Variants in MB21D2 observed in about 807,000 individuals in gnomAD.
MB21D2 encodes nucleotidyltransferase MB21D2.
In MB21D2, 9 loss-of-function variants were observed where a neutral mutation model predicts 33.3. The observed-to-expected ratio is 0.27, with a 90% CI of 0.16 to 0.47. MB21D2 has a LOEUF of 0.47. Among genes scored for constraint, MB21D2 ranks in the 20% least tolerant of loss-of-function variants. The pLI, the probability that MB21D2 is intolerant of heterozygous loss-of-function variation, is 0.99. For synonymous variants in MB21D2, 241 were observed against 236.3 expected, an observed-to-expected ratio of 1.02 and a Z score of -0.18; for missense variants, 540 against 624.6, an observed-to-expected ratio of 0.86 and a Z score of 1.44.
At chr3:192,826,102 C>G (rs577907896) in intron 1 of MB21D2, among the ~76,000 whole-genome samples, 1 of 152,288 alleles carries the variant, frequency 6.6e-6, no homozygotes, top group African/African-American at 2.4e-5. Flanking sequence ...ACACTATTCA[C>G]GAGGATAGTA....
At chr3:192,807,147 T>C (rs1711681895) in intron 1 of MB21D2, among the ~76,000 whole-genome samples, 1 of 152,172 alleles carries the variant, frequency 6.6e-6, no homozygotes, top group East Asian at 1.9e-4. Flanking sequence ...TCCCGACCTT[T>C]CTTTTCAGTA....
chr3:192,800,891 C>T (rs996427589), intron 1 of MB21D2, among the ~76,000 whole-genome samples: 2 of 152,084 alleles, frequency 1.3e-5, no homozygotes, highest in Admixed American at 6.6e-5. Flanking sequence ...TATTTATTGC[C>T]AATGATAAAG....
At chr3:192,821,452 C>T (rs1251348886) in intron 1 of MB21D2, among the ~76,000 whole-genome samples, 1 of 152,122 alleles carries the variant, frequency 6.6e-6, no homozygotes, top group Non-Finnish European at 1.5e-5. Flanking sequence ...AGAGCACCTG[C>T]AGCTTTCAAA....
intron 1 of MB21D2, among the ~76,000 whole-genome samples, chr3:192,872,069 AG>A (rs1238061022): frequency 6.6e-6 from 1 of 152,204 alleles, no homozygotes; most frequent in Non-Finnish European, 1.5e-5. Flanking sequence ...CATAAAACTG[AG>A]GTGTGGAAAT....
chr3:192,815,191 A>C (rs1711894149), intron 1 of MB21D2, among the ~76,000 whole-genome samples: 1 of 152,216 alleles, frequency 6.6e-6, no homozygotes, highest in African/African-American at 2.4e-5. Flanking sequence ...AGAATGAATA[A>C]ATTGGAGCTT....
Position 192,798,501 on chromosome 3 carries a change from A to C in MB21D2, c.1361T>G (p.Leu454Trp). ...CACTAGCTGCTGCAGTTTTTTTGCC[A>C]AACGGTCATCAGGCTGGTTGGGGTC... ...GGDPNQPDDR[L>W]AKKLQQLVTE... is the part of the protein sequence containing the mutation. The change falls in exon 2 of 2, where the codon TTG becomes TGG. Residue 454 changes from leucine (L) to tryptophan (W), a missense_variant. Leu to Trp is a moderately conservative substitution (Grantham distance 61, BLOSUM62 -2). Coordinates refer to ENST00000392452, the MANE Select transcript of MB21D2 (RefSeq NM_178496.4). The surrounding 1 kb of genome is among the most constrained non-coding windows in gnomAD (Gnocchi z 4.8). The C allele has an allele frequency of 6.2e-7, 1 of 1,614,182 alleles. No individual in the cohort carries two copies. Among genetic ancestry groups the C allele is most frequent in the Non-Finnish European group, 8.5e-7 (1 of 1,180,026 alleles).
chr3:192,843,679 G>A (rs961808807), intron 1 of MB21D2, among the ~76,000 whole-genome samples: 1 of 152,146 alleles, frequency 6.6e-6, no homozygotes. Context: ...CCTAAAAATT[G>A]TAACAGAAAA....
chr3:192,797,492 G>A lies in MB21D2; in HGVS notation c.*894C>T, dbSNP rs968316984. The A allele has an allele frequency of 2.3e-4, 35 of 152,698 alleles. No individual in the cohort carries two copies. Among genetic ancestry groups the A allele is most frequent in the African/African-American group, 7.9e-4 (33 of 41,554 alleles). 9.5% of individuals were successfully genotyped at this position (152,698 alleles called of 1,614,324 possible). ...GCAAAGCAGGACCCCACAACTGAAG[G>A]AGAACTAAGCAAATGCAAAGAATCA... On this transcript the variant is annotated 3_prime_UTR_variant, in exon 2 of 2. Coordinates refer to ENST00000392452, the MANE Select transcript of MB21D2 (RefSeq NM_178496.4).
chr3:192,897,061 C>T (rs956258231), intron 1 of MB21D2, among the ~76,000 whole-genome samples: 7 of 152,076 alleles, frequency 4.6e-5, no homozygotes, highest in South Asian at 2.1e-4. Context: ...AAAGAGAAAA[C>T]GGGGAAATTA....
intron 1 of MB21D2, among the ~76,000 whole-genome samples, chr3:192,909,382 C>T (rs1714290371): frequency 6.6e-6 from 1 of 151,996 alleles, no homozygotes. Context: ...TAATATCCAC[C>T]ATAATTTCAA....
intron 1 of MB21D2, among the ~76,000 whole-genome samples, chr3:192,892,175 A>C (rs949924460): frequency 4.6e-5 from 7 of 152,226 alleles, no homozygotes; most frequent in African/African-American, 1.2e-4. Flanking sequence ...ATCGTGCTAC[A>C]TAACAACCCC....
intron 1 of MB21D2, among the ~76,000 whole-genome samples, chr3:192,851,318 G>A (rs578019766): frequency 3.7e-4 from 57 of 152,098 alleles, no homozygotes; most frequent in Non-Finnish European, 6.3e-4. Flanking sequence ...CATAGATTCA[G>A]AAAGGAGATT....
chr3:192,876,393 T>C (rs1713428500), intron 1 of MB21D2, among the ~76,000 whole-genome samples: 1 of 152,238 alleles, frequency 6.6e-6, no homozygotes, highest in African/African-American at 2.4e-5. Context: ...AGAATCTGTC[T>C]AGTTTTCTCC....
At chr3:192,810,217 T>C (rs1711755451) in intron 1 of MB21D2, among the ~76,000 whole-genome samples, 1 of 152,176 alleles carries the variant, frequency 6.6e-6, no homozygotes, top group Non-Finnish European at 1.5e-5. Context: ...AAGAAAGAAT[T>C]CTGTGTCTTC....
chr3:192,880,118 G>T (rs1713527650), intron 1 of MB21D2, among the ~76,000 whole-genome samples: 1 of 152,100 alleles, frequency 6.6e-6, no homozygotes, highest in African/African-American at 2.4e-5. Flanking sequence ...ACCGATGCAG[G>T]CAGATCACAA....
intron 1 of MB21D2, among the ~76,000 whole-genome samples, chr3:192,883,734 A>G (rs1487800206): frequency 6.6e-6 from 1 of 152,050 alleles, no homozygotes; most frequent in Non-Finnish European, 1.5e-5. Context: ...ATACTAGGAG[A>G]GTCACCTCCC....
At chr3:192,917,227 A>C (rs1022973389) in intron 1 of MB21D2, among the ~76,000 whole-genome samples, 2 of 152,194 alleles carry the variant, frequency 1.3e-5, no homozygotes, top group Non-Finnish European at 2.9e-5. Context: ...GGCGTCGGGA[A>C]AGCGGAGGTC....
intron 1 of MB21D2, among the ~76,000 whole-genome samples, chr3:192,848,534 T>C (rs983956462): frequency 6.6e-6 from 1 of 152,178 alleles, no homozygotes; most frequent in South Asian, 2.1e-4. Flanking sequence ...GCATGACCCA[T>C]TTCCTATTCC....
intron 1 of MB21D2, among the ~76,000 whole-genome samples, chr3:192,834,690 C>T (rs1185772049): frequency 6.6e-6 from 1 of 152,022 alleles, no homozygotes; most frequent in East Asian, 1.9e-4. Context: ...GAGAGCAAGA[C>T]AAACTGGGAA....
Sources: gnomAD v4.1 joint callset for allele counts (sites outside exome capture counted in the v4.1 genomes callset) on GRCh38, gnomAD v4.1.1 for gene constraint, Gnocchi (gnomAD v3.1) non-coding constraint, MANE v1.5 for transcripts, NCBI Gene and HGNC (gene_info 2026-07-23, HGNC 2026-07-21) for gene names.